Variants in MDN1 observed in about 807,000 individuals in gnomAD.
MDN1 encodes the protein midasin.
MDN1 carries 266 observed loss-of-function variants against 669.2 expected under a neutral mutation model. The observed-to-expected ratio is 0.40, with a 90% CI of 0.36 to 0.44. MDN1 has a LOEUF of 0.44. MDN1 is among the 20% of genes least tolerant of loss of function. MDN1 has a pLI of 1.00. For missense variants in MDN1, 5,940 were observed against 6,754.0 expected (o/e 0.88, Z 4.22); for synonymous variants, 2,385 against 2,457.1 (o/e 0.97, Z 0.87).
chr6:89,673,699 TAC>T, intron 79 of MDN1: 1 of 544,058 alleles, frequency 1.8e-6, no homozygotes. Context: ...TGGAATAAAT[TAC>T]TAAATTTATT....
intron 97 of MDN1, among the ~76,000 whole-genome samples, chr6:89,648,810 C>G (rs1361941651): frequency 2.0e-5 from 1 of 49,360 alleles, no homozygotes; most frequent in Non-Finnish European, 3.5e-5. Context: ...GTAACCCTGT[C>G]TTCAAAAAAA....
intron 5 of MDN1, among the ~76,000 whole-genome samples, chr6:89,792,393 C>T (rs990232303): frequency 6.6e-5 from 10 of 152,032 alleles, no homozygotes; most frequent in Admixed American, 2.0e-4. Context: ...CGCTTTGGCC[C>T]CAGGGTCCCC....
rs1210588238 is a variant in MDN1 at position 89,743,108 on chromosome 6, A to G, written c.4448+42T>C. The G allele has an allele frequency of 1.9e-6, 3 of 1,599,382 alleles. No homozygotes were observed. In the Admixed American group the frequency reaches 5.3e-5, roughly 28 times the overall value. ...CAGGGAGAAAAAAAAAAATCACACC[A>G]ACAAAAATATCAAACACAAGGCAAA... On this transcript the variant is annotated intron_variant, in intron 31 of 101. Coordinates refer to ENST00000369393, the MANE Select transcript of MDN1 (RefSeq NM_014611.3).
intron 15 of MDN1, among the ~76,000 whole-genome samples, chr6:89,764,241 G>A (rs568702272): frequency 8.4e-4 from 128 of 152,250 alleles, no homozygotes; most frequent in African/African-American, 2.9e-3. Context: ...TTGAGCACCT[G>A]CTATACGTGT....
At chr6:89,791,223 C>T (rs993670286) in intron 5 of MDN1, among the ~76,000 whole-genome samples, 23 of 152,254 alleles carry the variant, frequency 1.5e-4, no homozygotes, top group African/African-American at 5.3e-4. Context: ...CAAACCTCAT[C>T]TATTACTGTT....
intron 2 of MDN1, among the ~76,000 whole-genome samples, chr6:89,800,127 GA>G (rs893416915): frequency 1.3e-5 from 2 of 149,926 alleles, no homozygotes; most frequent in South Asian, 2.1e-4. Context: ...CAATTAAAAA[GA>G]AAAAAAAAGG....
At chr6:89,658,044 C>T (rs949122386) in intron 90 of MDN1, among the ~76,000 whole-genome samples, 165 bp downstream of exon 90, 1 of 152,204 alleles carries the variant, frequency 6.6e-6, no homozygotes, top group African/African-American at 2.4e-5. Flanking sequence ...TGTTCAGTCA[C>T]GCGTTGCTTA....
Position 89,654,461 on chromosome 6 carries a change from C to G in MDN1, c.15491-127G>C. 9.8e-6 allele frequency: 12 copies of G among 1,229,784 alleles called. 1 individual carries two copies. The South Asian group carries it at 1.7e-4, about 17-fold the overall frequency. The allele number at this position is 1,229,784 out of a possible 1,614,324, so 76.2% of individuals were successfully genotyped here. ...TAGTGATGCAAGTTGTGCCACTGAC[C>G]AGCTATGTGGCTTGGAGACTTGTCT... On this transcript the variant is annotated intron_variant, in intron 92 of 101. Coordinates refer to ENST00000369393, the MANE Select transcript of MDN1 (RefSeq NM_014611.3).
chr6:89,750,478 G>A lies in MDN1; in HGVS notation c.3282C>T (p.Ile1094=). The change falls in exon 24 of 102, where the codon ATC becomes ATT. Residue 1094 remains isoleucine, a synonymous_variant. Transcript: ENST00000369393. ...GETSVGKTSL[I]QWLAAATGNH... is the part of the protein sequence containing the mutation. ...TGCCAGTAGCTGCAGCCAGCCACTGGATCAGGCTTGTTTTACCAACTGATG... is the reference window on the plus strand; with the variant it reads ...TGCCAGTAGCTGCAGCCAGCCACTGAATCAGGCTTGTTTTACCAACTGATG... 6.2e-7 allele frequency: 1 copy of A among 1,613,996 alleles called. No individual in the cohort carries two copies. Among genetic ancestry groups the A allele is most frequent in the Non-Finnish European group, 8.5e-7 (1 of 1,179,920 alleles).
chr6:89,673,181 TA>T, intron 80 of MDN1, 54 bp downstream of exon 80: 1 of 1,415,568 alleles, frequency 7.1e-7, no homozygotes, highest in Non-Finnish European at 1.0e-6. Context: ...CTTACATCTA[TA>T]AGACATCATT....
Position 89,658,369 on chromosome 6 carries a change from T to C in MDN1, c.15023A>G (p.Glu5008Gly). The C allele has an allele frequency of 1.2e-6, 2 of 1,614,044 alleles. No homozygotes were observed. Among genetic ancestry groups the C allele is most frequent in the Non-Finnish European group, 1.7e-6 (2 of 1,180,012 alleles). The change falls in exon 90 of 102, where the codon GAG (glutamate) becomes GGG (glycine). Residue 5008 changes from glutamate (E) to glycine (G), a missense_variant and splice_region_variant. Physicochemically the swap from Glu to Gly is moderately conservative, Grantham distance 98. Transcript: ENST00000369393. ...ATCAGAGTCCTCCCGTTCTTCTTCC[T>C]CCTTCGGCAGAGAAATCAAACACAG... Reference protein sequence around the residue: ...GPADQGFQPQEEEEREDSDTE... With the variant: ...GPADQGFQPQGEEEREDSDTE...
intron 66 of MDN1, 134 bp from the exon 67 acceptor site, chr6:89,688,307 G>C: frequency 2.4e-6 from 2 of 819,172 alleles, no homozygotes; most frequent in East Asian, 5.1e-5. Context: ...AAAAAACAGA[G>C]CAACATGGCA....
intron 19 of MDN1, 35 bp downstream of exon 19, chr6:89,758,218 TGC>T: frequency 6.6e-7 from 1 of 1,523,176 alleles, no homozygotes; most frequent in East Asian, 2.3e-5. Flanking sequence ...AAGAACCTGT[TGC>T]AAAAAAGGAA....
At chr6:89,673,818 T>C (rs1449210698) in intron 79 of MDN1, among the ~76,000 whole-genome samples, 2 of 152,204 alleles carry the variant, frequency 1.3e-5, no homozygotes, top group African/African-American at 4.8e-5. Context: ...GCTTTTATTT[T>C]GGACCACCAC....
In MDN1 at chr6:89,646,549, T is replaced by C; in HGVS notation, c.16450A>G (p.Ile5484Val). The C allele has an allele frequency of 1.2e-6, 2 of 1,614,134 alleles. No homozygotes were observed. Among genetic ancestry groups the C allele is most frequent in the Non-Finnish European group, 1.7e-6 (2 of 1,179,948 alleles). The change falls in exon 100 of 102, where the codon ATC (isoleucine) becomes GTC (valine). Residue 5484 changes from isoleucine (I) to valine (V), a missense_variant. By Grantham distance (29) the Ile-to-Val change is conservative. This residue lies in a region of MDN1 where 2,280 missense variants were observed against 2,576.3 expected (regional missense o/e 0.88). Transcript: ENST00000369393. ...AAGGCATGCAGCTCACCTGAACTGA[T>C]GTTCTGCGAGAGCTGCTGAGCAGCT... ...FAAAQQLSQNISSETAQLLLV... is the reference protein window; with the variant it reads ...FAAAQQLSQNVSSETAQLLLV...
rs1190551730 is a variant in MDN1 at position 89,683,836 on chromosome 6, T to C, written c.11898A>G (p.Thr3966=). Residue 3966 remains threonine, a synonymous_variant, in exon 72 of 102, where the codon ACA becomes ACG. Coordinates refer to ENST00000369393, the MANE Select transcript of MDN1 (RefSeq NM_014611.3). The part of the protein sequence containing the change: ...FWSIKQSVEK[T]HRTLFKFMKK... ...AGTTTTAAAAGATGGATTACCTGTG[T>C]GTCTTTTCTACAGATTGCTTAATGG... 2 of 1,612,668 alleles carry C rather than the reference T, an allele frequency of 1.2e-6. No homozygotes were observed. Among genetic ancestry groups the C allele is most frequent in the South Asian group, 2.2e-5 (2 of 90,936 alleles).
Position 89,697,955 on chromosome 6 carries a change from C to T in MDN1, c.9168+910G>A, listed in dbSNP as rs147187054. 1.8e-4 allele frequency among the ~76,000 whole-genome samples: 27 copies of T among 152,186 alleles called. No homozygotes were observed. In the East Asian group the frequency reaches 1.9e-3, roughly 11 times the overall value. On this transcript the variant is annotated intron_variant, in intron 59 of 101. Coordinates refer to ENST00000369393, the MANE Select transcript of MDN1 (RefSeq NM_014611.3). ...AGAAGAACTAAAGGGGATCAGTAAA[C>T]GTGAAAATATGTTCAATCTTCACAC...
intron 73 of MDN1, among the ~76,000 whole-genome samples, 189 bp downstream of exon 73, chr6:89,682,942 CA>C (rs369887699): frequency 3.8e-4 from 54 of 141,852 alleles, no homozygotes; most frequent in East Asian, 1.0e-3. Flanking sequence ...CAAAAAAAAG[CA>C]AAAAAAAAAA....
rs372663610 is a variant in MDN1 at position 89,674,125 on chromosome 6, C to A, written c.13226G>T (p.Cys4409Phe). ...ADVDKIRQQS[C>F]ETLFHSWKDF... The stretch of plus-strand genomic sequence containing the variant: ...TTACCAAGAATGAAAGAGAGTCTCA[C>A]AAGACTGCTGTCTAATTTTGTCGAC... The change falls in exon 79 of 102, where the codon TGT (cysteine) becomes TTT (phenylalanine). Residue 4409 changes from cysteine to phenylalanine, a missense_variant. This residue lies in a region of MDN1 where 2,280 missense variants were observed against 2,576.3 expected (regional missense o/e 0.88). Transcript: ENST00000369393. 1.9e-6 allele frequency: 3 copies of A among 1,614,092 alleles called. No individual in the cohort carries two copies. The highest frequency in any genetic ancestry group is 2.5e-6 in the Non-Finnish European group (3 of 1,179,980).
Sources: allele counts gnomAD v4.1 joint callset (sites outside exome capture counted in the v4.1 genomes callset), GRCh38; gene constraint gnomAD v4.1.1; regional missense constraint gnomAD v4.1.1; transcripts MANE v1.5; gene names NCBI Gene and HGNC (gene_info 2026-07-23, HGNC 2026-07-21).